The following RTKN variants were observed in gnomAD, a reference collection of about 807,000 sequenced individuals.
RTKN encodes the protein rhotekin.
Under a neutral mutation model 63.5 loss-of-function variants are expected in RTKN, and 49 were observed. The ratio of observed to expected loss-of-function variants is 0.77; its 90% confidence interval spans 0.61 to 0.98. The LOEUF is 0.98. Among genes scored for constraint, RTKN ranks in the 50% least tolerant of loss-of-function variants. The pLI is 0.00. For synonymous variants in RTKN, 295 were observed against 290.4 expected (o/e 1.02, Z -0.16); for missense variants, 685 against 740.8 (o/e 0.92, Z 0.87).
Position 74,436,217 on chromosome 2 carries a change from G to C in RTKN, c.112-3551C>G, listed in dbSNP as rs1558549276. 6.6e-6 allele frequency among the ~76,000 whole-genome samples: 1 copy of C among 152,240 alleles called. No homozygotes were observed. The highest frequency in any genetic ancestry group is 2.4e-5 in the African/African-American group (1 of 41,464). On this transcript the variant is annotated intron_variant, in intron 1 of 11. Coordinates refer to ENST00000272430, the MANE Select transcript of RTKN (RefSeq NM_001015055.2). The surrounding 1 kb of genome is among the most constrained non-coding windows in gnomAD (Gnocchi z 4.3). ...ATCCTTCCCCAGCCCGCTCCATTGC[G>C]AGAGGCGCGCAGAGGCGCGCGAGGT...
intron 1 of RTKN, chr2:74,440,634 CT>C: frequency 9.8e-6 from 9 of 913,950 alleles, no homozygotes; most frequent in Non-Finnish European, 1.2e-5. Context: ...GCCCCTCCCC[CT>C]GGTCCCGGGC....
chr2:74,429,682 C>T (rs1294418977), intron 6 of RTKN, 146 bp downstream of exon 6: 3 of 775,714 alleles, frequency 3.9e-6, no homozygotes, highest in Non-Finnish European at 6.3e-6. Flanking sequence ...GGAATGCCTC[C>T]CAGCTACGTG....
intron 2 of RTKN, 53 bp from the exon 3 acceptor site, chr2:74,430,730 G>C: frequency 6.4e-7 from 1 of 1,550,960 alleles, no homozygotes; most frequent in Non-Finnish European, 8.8e-7. Flanking sequence ...ATTCCCCCTT[G>C]CTCTGGTCCC....
intron 1 of RTKN, among the ~76,000 whole-genome samples, chr2:74,434,888 G>A (rs1670970507): frequency 6.6e-6 from 1 of 152,174 alleles, no homozygotes; most frequent in Non-Finnish European, 1.5e-5. Context: ...TGATTCTGAG[G>A]TACACCCAGG....
intron 1 of RTKN, among the ~76,000 whole-genome samples, chr2:74,435,818 C>T (rs1449203874): frequency 6.6e-6 from 1 of 152,214 alleles, no homozygotes; most frequent in African/African-American, 2.4e-5. Context: ...GTCTCTCAGA[C>T]CCGAACACCC....
At chr2:74,428,501 C>T in intron 8 of RTKN, 105 bp from the exon 9 acceptor site, 1 of 1,591,066 alleles carries the variant, frequency 6.3e-7, no homozygotes, top group South Asian at 1.1e-5. Context: ...GCTGTCCATT[C>T]CTCCCCTCGT....
chr2:74,428,179 T>C, intron 9 of RTKN, 89 bp downstream of exon 9: 1 of 1,573,916 alleles, frequency 6.4e-7, no homozygotes, highest in Non-Finnish European at 8.7e-7. Context: ...CTTCTATCTC[T>C]CTGAGGTATG....
intron 2 of RTKN, chr2:74,431,661 C>T (rs1670759463): frequency 6.6e-6 from 1 of 152,384 alleles, no homozygotes; most frequent in Non-Finnish European, 1.5e-5. Context: ...GGGTTTTCTG[C>T]CTTCTTCTGG....
chr2:74,437,181 G>A (rs561763709), intron 1 of RTKN, among the ~76,000 whole-genome samples: 44 of 152,294 alleles, frequency 2.9e-4, no homozygotes, highest in African/African-American at 1.0e-3. Context: ...ACCTGAGTTT[G>A]TAAAATGGGG....
In RTKN at chr2:74,430,668, G is replaced by C. The variant is rs371923829; in HGVS notation, c.321C>G (p.Asp107Glu). 21 of 1,612,336 alleles carry C rather than the reference G, an allele frequency of 1.3e-5. No homozygotes were observed. The highest frequency in any genetic ancestry group is 1.7e-5 in the Non-Finnish European group (20 of 1,179,836). The change falls in exon 3 of 12, where the codon GAC becomes GAG. Residue 107 changes from aspartate to glutamate, a missense_variant. By Grantham distance (45) the Asp-to-Glu change is conservative. Coordinates refer to ENST00000272430, the MANE Select transcript of RTKN (RefSeq NM_001015055.2). Reference sequence around the variant, plus strand: ...GGGAGCGCTCAGCGGGCGGGCCACTGTCAGAAGGCCTGTGGATAAATCACA... The same window carrying C: ...GGGAGCGCTCAGCGGGCGGGCCACTCTCAGAAGGCCTGTGGATAAATCACA... ...VLGKTSRRPS[D>E]SGPPAERSPC...
At chr2:74,439,825 C>T (rs1460536690) in intron 1 of RTKN, 10 of 1,400,946 alleles carry the variant, frequency 7.1e-6, no homozygotes, top group African/African-American at 1.4e-5. Context: ...TTTTCCTCGC[C>T]CACTGCTGCT....
At chr2:74,427,358 G>T in intron 10 of RTKN, 66 bp downstream of exon 10, 9 of 1,605,146 alleles carry the variant, frequency 5.6e-6, no homozygotes, top group Non-Finnish European at 7.7e-6. Context: ...TGAAACAGAG[G>T]CCTTTAGTAA....
Position 74,429,976 on chromosome 2 carries a change from C to T in RTKN, c.607G>A (p.Glu203Lys), listed in dbSNP as rs762885520. ...LELYGACVEEEGALTGGPKRL... is the reference protein window; with the variant it reads ...LELYGACVEEKGALTGGPKRL... ...TTGGGGCCGCCAGTCAGGGCCCCCT[C>T]TTCTTCCACACAGGCCCCATACAGC... Residue 203 changes from glutamate (E) to lysine (K), a missense_variant, in exon 6 of 12, where the codon GAG becomes AAG. Coordinates refer to ENST00000272430, the MANE Select transcript of RTKN (RefSeq NM_001015055.2). 6.2e-7 allele frequency: 1 copy of T among 1,614,262 alleles called. No homozygotes were observed. The highest frequency in any genetic ancestry group is 2.2e-5 in the East Asian group (1 of 44,892).
chr2:74,441,411 T>G (rs1671359517), intron 1 of RTKN, among the ~76,000 whole-genome samples: 1 of 152,206 alleles, frequency 6.6e-6, no homozygotes, highest in Non-Finnish European at 1.5e-5. Flanking sequence ...CAAGACATTT[T>G]GGGGTTCAGG....
chr2:74,439,324 C>T (rs1231046712), intron 1 of RTKN, among the ~76,000 whole-genome samples: 1 of 152,186 alleles, frequency 6.6e-6, no homozygotes, highest in Admixed American at 6.5e-5. Flanking sequence ...ACAGAGCTTC[C>T]TGAAATAGGT....
chr2:74,429,224 C>T (rs1670599627), intron 6 of RTKN, among the ~76,000 whole-genome samples: 1 of 152,070 alleles, frequency 6.6e-6, no homozygotes, highest in Non-Finnish European at 1.5e-5. Context: ...AGAAACTTGC[C>T]CATAATTTAT....
chr2:74,432,363 A>T, intron 2 of RTKN, 104 bp downstream of exon 2: 1 of 1,089,018 alleles, frequency 9.2e-7, no homozygotes, highest in Non-Finnish European at 1.4e-6. Flanking sequence ...CTTCATGGGG[A>T]AGTCATCTTT....
intron 1 of RTKN, among the ~76,000 whole-genome samples, chr2:74,435,850 C>T (rs991370133): frequency 6.6e-6 from 1 of 152,224 alleles, no homozygotes; most frequent in Admixed American, 6.5e-5. Context: ...TTCTAAAAAG[C>T]CTTGTCCTGC....
chr2:74,429,636 C>T (rs918368234), intron 6 of RTKN, among the ~76,000 whole-genome samples, 192 bp downstream of exon 6: 1 of 152,236 alleles, frequency 6.6e-6, no homozygotes, highest in African/African-American at 2.4e-5. Flanking sequence ...CACTGGTCTT[C>T]TGGACTGGCT....
Sources: gnomAD v4.1 joint callset for allele counts (sites outside exome capture counted in the v4.1 genomes callset) on GRCh38, gnomAD v4.1.1 for gene constraint, Gnocchi (gnomAD v3.1) non-coding constraint, MANE v1.5 for transcripts, NCBI Gene and HGNC (gene_info 2026-07-23, HGNC 2026-07-21) for gene names.